Variants in TCERG1 observed in about 807,000 individuals in gnomAD.
The protein encoded by TCERG1 is transcription elongation regulator 1.
TCERG1 carries 37 observed loss-of-function variants against 144.7 expected under a neutral mutation model. The observed-to-expected ratio is 0.26, with a 90% CI of 0.20 to 0.34. The LOEUF is 0.34. Ranked by LOEUF, TCERG1 falls within the 10% of genes least tolerant of loss-of-function variation. The probability of loss-of-function intolerance (pLI) is 1.00; values close to 1 mark genes in which losing one functional copy is unlikely to be tolerated. For missense variants in TCERG1, 1,027 were observed against 1,380.7 expected (o/e 0.74, Z 4.06); for synonymous variants, 492 against 458.2 (o/e 1.07, Z -0.94).
intron 9 of TCERG1, among the ~76,000 whole-genome samples, chr5:146,476,805 A>G (rs1764884547): frequency 6.6e-6 from 1 of 152,050 alleles, no homozygotes; most frequent in African/African-American, 2.4e-5. Flanking sequence ...TTTTTTTGTG[A>G]CAGGGTCTTG....
chr5:146,462,390 G>T (rs751875445), intron 4 of TCERG1, among the ~76,000 whole-genome samples: 5 of 152,082 alleles, frequency 3.3e-5, no homozygotes, highest in African/African-American at 4.8e-5. Flanking sequence ...TTACCAAAAT[G>T]AATTTTATTT....
Position 146,465,611 on chromosome 5 carries a change from CCTG to C in TCERG1, c.1135+1819_1135+1821del, listed in dbSNP as rs369623756. The stretch of plus-strand genomic sequence containing the variant: ...ATTTGAGTCACCAAATGAAGCAGTA[CCTG>C]TGAAGTTTGGCAGTAGAAGTCATTC... On this transcript the variant is annotated intron_variant, in intron 5 of 22. Coordinates refer to ENST00000679501, the MANE Select transcript of TCERG1 (RefSeq NM_001382548.1). 2.2e-4 allele frequency among the ~76,000 whole-genome samples: 33 copies of C among 152,114 alleles called. No individual in the cohort carries two copies. The East Asian group carries it at 6.0e-3, about 28-fold the overall frequency.
At chr5:146,489,312 A>C (rs1271107422) in intron 15 of TCERG1, among the ~76,000 whole-genome samples, 1 of 152,222 alleles carries the variant, frequency 6.6e-6, no homozygotes, top group Non-Finnish European at 1.5e-5. Context: ...ATTGAAACAC[A>C]GTAACCCCAT....
rs1181499817 is a variant in TCERG1 at position 146,511,394 on chromosome 5, C to G, written c.*752C>G. 1 of 152,544 alleles carries G rather than the reference C, an allele frequency of 6.6e-6. No homozygotes were observed. Among genetic ancestry groups the G allele is most frequent in the Non-Finnish European group, 1.5e-5 (1 of 68,018 alleles). 9.4% of individuals were successfully genotyped at this position (152,544 alleles called of 1,614,324 possible). A position where few individuals can be genotyped will look rare whatever the true frequency, so the allele number is the denominator to read the frequency against. ...CAACAAATTACCTTTCTGGGTGTTT[C>G]TTGTAAACTATACTCCTGTTTGAAT... On this transcript the variant is annotated 3_prime_UTR_variant, in exon 23 of 23. Transcript: ENST00000679501.
chr5:146,481,245 A>G lies in TCERG1; in HGVS notation c.1937+45A>G, dbSNP rs926582586. On this transcript the variant is annotated intron_variant, in intron 13 of 22. Coordinates refer to ENST00000679501, the MANE Select transcript of TCERG1 (RefSeq NM_001382548.1). ...TTTTTCCTGGCTTAGTTTTTCTTTT[A>G]TTTCCTTTATTGAGATAGATAGTGA... 5.5e-6 allele frequency: 5 copies of G among 902,598 alleles called. No individual in the cohort carries two copies. In the African/African-American group the frequency reaches 9.0e-5, roughly 16 times the overall value. 55.9% of individuals were successfully genotyped at this position (902,598 alleles called of 1,614,324 possible).
chr5:146,459,255 A>G lies in TCERG1; in HGVS notation c.810A>G (p.Val270=). 6.2e-7 allele frequency: 1 copy of G among 1,614,290 alleles called. No homozygotes were observed. The highest frequency in any genetic ancestry group is 1.1e-5 in the South Asian group (1 of 91,092). The change falls in exon 4 of 23, where the codon GTA becomes GTG. Residue 270 remains valine (V), a synonymous_variant. Coordinates refer to ENST00000679501, the MANE Select transcript of TCERG1 (RefSeq NM_001382548.1). ...TPTTSSPAPA[V]STSTSSSTPS... is the part of the protein sequence containing the mutation. ...CGACCAGTAGCCCAGCACCTGCAGT[A>G]TCCACTTCAACATCATCATCCACCC...
intron 16 of TCERG1, among the ~76,000 whole-genome samples, chr5:146,494,232 G>A (rs1437608696): frequency 6.6e-6 from 1 of 152,068 alleles, no homozygotes; most frequent in Non-Finnish European, 1.5e-5. Context: ...GATATTAGAT[G>A]TTAGAGAATT....
At chr5:146,496,249 T>C (rs1405017272) in intron 16 of TCERG1, among the ~76,000 whole-genome samples, 1 of 152,210 alleles carries the variant, frequency 6.6e-6, no homozygotes, top group Non-Finnish European at 1.5e-5. Flanking sequence ...ATTTAACCTG[T>C]TTGGAGTTTG....
intron 1 of TCERG1, among the ~76,000 whole-genome samples, chr5:146,449,974 TA>T (rs1486997934): frequency 6.6e-6 from 1 of 152,212 alleles, no homozygotes; most frequent in African/African-American, 2.4e-5. Context: ...ATTTCCTCTG[TA>T]AAAATGGTGT....
At chr5:146,493,070 T>G in intron 16 of TCERG1, 32 bp downstream of exon 16, 1 of 1,392,624 alleles carries the variant, frequency 7.2e-7, no homozygotes, top group Non-Finnish European at 1.0e-6. Context: ...AATATCAAAG[T>G]GTATTTATTT....
At position 146,511,144 on chromosome 5, in the gene TCERG1, T is replaced by C. The variant is rs951640269; in HGVS notation, c.*502T>C. On this transcript the variant is annotated 3_prime_UTR_variant, in exon 23 of 23. Transcript: ENST00000679501. ...TTATAATGGACAATACTTTTACCTT[T>C]GTCTCTAAAGATCAGATTAGTTTTA... 6.5e-6 allele frequency: 1 copy of C among 152,702 alleles called. No individual in the cohort carries two copies. Among genetic ancestry groups the C allele is most frequent in the Non-Finnish European group, 1.5e-5 (1 of 68,068 alleles). 9.5% of individuals were successfully genotyped at this position (152,702 alleles called of 1,614,324 possible). A position where few individuals can be genotyped will look rare whatever the true frequency, so the allele number is the denominator to read the frequency against.
At chr5:146,508,745 ACT>A (rs1464654768) in intron 21 of TCERG1, among the ~76,000 whole-genome samples, 1 of 152,094 alleles carries the variant, frequency 6.6e-6, no homozygotes, top group Non-Finnish European at 1.5e-5. Context: ...TCCACAAATT[ACT>A]CTTTTTGTTC....
At chr5:146,453,275 CT>C (rs1486353919) in intron 1 of TCERG1, among the ~76,000 whole-genome samples, 1 of 152,160 alleles carries the variant, frequency 6.6e-6, no homozygotes, top group Non-Finnish European at 1.5e-5. Flanking sequence ...AGTGACCCCC[CT>C]GCCCCCTTTA....
intron 2 of TCERG1, among the ~76,000 whole-genome samples, chr5:146,456,731 C>A (rs1470338813): frequency 6.6e-6 from 1 of 152,134 alleles, no homozygotes; most frequent in Admixed American, 6.5e-5. Context: ...TCTTTTAAAT[C>A]CCTGCTCAAA....
intron 15 of TCERG1, among the ~76,000 whole-genome samples, chr5:146,491,267 G>A (rs1393748896): frequency 1.3e-5 from 2 of 151,978 alleles, no homozygotes; most frequent in Non-Finnish European, 2.9e-5. Flanking sequence ...GATTACAGGT[G>A]TGAGCCACTG....
intron 15 of TCERG1, among the ~76,000 whole-genome samples, chr5:146,484,146 T>G (rs1174058736): frequency 6.6e-6 from 1 of 152,158 alleles, no homozygotes; most frequent in Admixed American, 6.5e-5. Context: ...TAGGTTTATG[T>G]CTTATACACA....
At chr5:146,480,568 A>G (rs1765262853) in intron 12 of TCERG1, 1 of 153,808 alleles carries the variant, frequency 6.5e-6, no homozygotes, top group Non-Finnish European at 1.4e-5. Context: ...ACTGCTAAGA[A>G]GTAGAGGCAT....
chr5:146,481,777 C>T (rs1393267299), intron 13 of TCERG1: 4 of 152,094 alleles, frequency 2.6e-5, no homozygotes, highest in African/African-American at 9.7e-5. Flanking sequence ...CGTGAATGGG[C>T]CTTTTTCATA....
chr5:146,477,653 GGCTGCA>G (rs1194291226), intron 9 of TCERG1, among the ~76,000 whole-genome samples: 1 of 150,904 alleles, frequency 6.6e-6, no homozygotes, highest in Non-Finnish European at 1.5e-5. Context: ...GCTTGTAGTG[GGCTGCA>G]GTGTATGATG....
Sources: allele counts gnomAD v4.1 joint callset (sites outside exome capture counted in the v4.1 genomes callset), GRCh38; gene constraint gnomAD v4.1.1; transcripts MANE v1.5; gene names NCBI Gene and HGNC (gene_info 2026-07-23, HGNC 2026-07-21).